GRID1: variants seen among roughly 807,000 people sequenced by gnomAD.
GRID1 encodes the protein glutamate receptor ionotropic, delta-1.
GRID1 carries 28 observed loss-of-function variants against 98.0 expected under a neutral mutation model. The ratio of observed to expected loss-of-function variants is 0.29; its 90% CI spans 0.21 to 0.39. The LOEUF (loss-of-function observed/expected upper bound fraction) is 0.39. Among genes scored for constraint, GRID1 ranks in the 10% least tolerant of loss-of-function variants. The pLI is 1.00. For missense variants in GRID1, 1,111 were observed against 1,340.5 expected, an observed-to-expected ratio of 0.83 and a Z score of 2.67; for synonymous variants, 553 against 538.5, an observed-to-expected ratio of 1.03 and a Z score of -0.37.
intron 8 of GRID1, among the ~76,000 whole-genome samples, chr10:85,779,885 T>A (rs1842366058): frequency 6.6e-6 from 1 of 152,160 alleles, no homozygotes; most frequent in Admixed American, 6.5e-5. Context: ...AGGGAAGCAG[T>A]CCTTTGCATT....
Position 86,195,699 on chromosome 10 carries a change from C to A in GRID1, c.520+10665G>T, listed in dbSNP as rs186576249. On this transcript the variant is annotated intron_variant, in intron 3 of 15. Transcript: ENST00000327946. The surrounding 1 kb of genome is among the most constrained non-coding windows in gnomAD (Gnocchi z 4.4). ...ATAACTTCCAGCAAGGAACTGGGTACGTGAAGGGCTGAGAGGAGACATAAT... is the reference window on the plus strand; with the variant it reads ...ATAACTTCCAGCAAGGAACTGGGTAAGTGAAGGGCTGAGAGGAGACATAAT... 3.3e-5 allele frequency among the ~76,000 whole-genome samples: 5 copies of A among 152,078 alleles called. No homozygotes were observed. The highest frequency in any genetic ancestry group is 2.6e-4 in the Admixed American group (4 of 15,270).
chr10:86,212,416 G>C (rs143983650), intron 2 of GRID1, among the ~76,000 whole-genome samples: 173 of 152,372 alleles, frequency 1.1e-3, no homozygotes, highest in Non-Finnish European at 1.6e-3. Context: ...TGAGGCAAGA[G>C]AGAGCCTCCA....
At chr10:85,737,196 A>C (rs11201760) in intron 8 of GRID1, among the ~76,000 whole-genome samples, 49,515 of 151,956 alleles carry the variant, frequency 0.33, 8,240 homozygotes, top group Middle Eastern at 0.37. Flanking sequence ...TGAAAGACAT[A>C]CTTTCTTAAA....
chr10:85,781,292 T>A (rs976160748), intron 8 of GRID1, among the ~76,000 whole-genome samples: 2 of 152,256 alleles, frequency 1.3e-5, no homozygotes, highest in Non-Finnish European at 2.9e-5. Context: ...CCTGGACTTC[T>A]GAGTCATAAT....
intron 8 of GRID1, among the ~76,000 whole-genome samples, chr10:85,797,719 G>A (rs919948628): frequency 1.3e-5 from 2 of 151,778 alleles, no homozygotes; most frequent in Non-Finnish European, 2.9e-5. Flanking sequence ...TCAGAGTGCT[G>A]GGATTACGGT....
chr10:85,766,090 GAGGAGAAACA>G (rs1842195308), intron 8 of GRID1, among the ~76,000 whole-genome samples: 2 of 152,238 alleles, frequency 1.3e-5, no homozygotes. Flanking sequence ...TGTGGTGGTA[GAGGAGAAACA>G]AGGTTTGAAA....
In GRID1 at chr10:86,083,268, C is replaced by T. The variant is rs188038134; in HGVS notation, c.726+55551G>A. ...TTTCTTAGAAGGGTACCAGGGCTCTCGTAGCGGTTGAGGACTGGCGGGGAG... is the reference window on the plus strand; with the variant it reads ...TTTCTTAGAAGGGTACCAGGGCTCTTGTAGCGGTTGAGGACTGGCGGGGAG... On this transcript the variant is annotated intron_variant, in intron 4 of 15. Transcript: ENST00000327946. 2.6e-5 allele frequency among the ~76,000 whole-genome samples: 4 copies of T among 152,326 alleles called. No homozygotes were observed. The East Asian group carries it at 5.8e-4, about 22-fold the overall frequency.
chr10:85,881,250 C>A (rs1352198705), intron 5 of GRID1, among the ~76,000 whole-genome samples: 6 of 152,158 alleles, frequency 3.9e-5, no homozygotes, highest in African/African-American at 1.4e-4. Context: ...CAATGACTTT[C>A]TTCACAGAAT....
intron 4 of GRID1, among the ~76,000 whole-genome samples, chr10:86,100,222 C>T (rs1240467376): frequency 1.3e-5 from 2 of 152,172 alleles, no homozygotes; most frequent in Admixed American, 1.3e-4. Context: ...ATAACTGAGC[C>T]TTGACTCTCC....
intron 3 of GRID1, among the ~76,000 whole-genome samples, chr10:86,194,825 G>A (rs993630880): frequency 6.6e-6 from 1 of 151,812 alleles, no homozygotes; most frequent in African/African-American, 2.4e-5. Flanking sequence ...GCTTATGAAG[G>A]CCTCCCCCAG....
intron 3 of GRID1, among the ~76,000 whole-genome samples, chr10:86,149,125 G>A (rs1407346997): frequency 1.3e-5 from 2 of 152,324 alleles, no homozygotes; most frequent in Non-Finnish European, 2.9e-5. Flanking sequence ...CAAGAAGGGA[G>A]GTGCCATCCT....
chr10:85,777,029 A>C (rs1842337868), intron 8 of GRID1, among the ~76,000 whole-genome samples: 1 of 152,232 alleles, frequency 6.6e-6, no homozygotes, highest in Admixed American at 6.5e-5. Context: ...AGCAAATTTG[A>C]CAATAAAATG....
At chr10:85,715,094 G>T (rs1208061297) in intron 12 of GRID1, among the ~76,000 whole-genome samples, 2 of 152,096 alleles carry the variant, frequency 1.3e-5, no homozygotes, top group Admixed American at 6.6e-5. Context: ...CACATTTACA[G>T]TCAATTGATC....
intron 8 of GRID1, among the ~76,000 whole-genome samples, chr10:85,845,813 C>A (rs533454087): frequency 6.6e-6 from 1 of 152,194 alleles, no homozygotes; most frequent in African/African-American, 2.4e-5. Context: ...AAACTACATA[C>A]AACAATAATG....
chr10:85,810,996 C>T (rs1842666335), intron 8 of GRID1, among the ~76,000 whole-genome samples: 1 of 152,158 alleles, frequency 6.6e-6, no homozygotes, highest in Non-Finnish European at 1.5e-5. Flanking sequence ...TGAACCAGCC[C>T]TCAAGTTGGC....
chr10:85,604,631 G>A (rs2132503255), intron 15 of GRID1, among the ~76,000 whole-genome samples: 1 of 152,296 alleles, frequency 6.6e-6, no homozygotes, highest in African/African-American at 2.4e-5. Context: ...TTCATGAAAT[G>A]TTTATGCTGA....
At chr10:86,353,386 G>A (rs1207234181) in intron 2 of GRID1, among the ~76,000 whole-genome samples, 3 of 152,256 alleles carry the variant, frequency 2.0e-5, no homozygotes, top group African/African-American at 7.2e-5. Flanking sequence ...GGCAGCATGG[G>A]TGTCTGCAAC....
chr10:86,249,618 C>A (rs772135986), intron 2 of GRID1, among the ~76,000 whole-genome samples: 19 of 152,164 alleles, frequency 1.2e-4, no homozygotes, highest in Non-Finnish European at 1.2e-4. Flanking sequence ...CCCCCACACC[C>A]TCCCCCACAA....
intron 10 of GRID1, among the ~76,000 whole-genome samples, chr10:85,726,252 G>C (rs1314805559): frequency 6.6e-6 from 1 of 150,682 alleles, no homozygotes; most frequent in Non-Finnish European, 1.5e-5. Context: ...TTTTTTAGTT[G>C]GGAAGGATAG....
Sources: allele counts gnomAD v4.1 joint callset (sites outside exome capture counted in the v4.1 genomes callset), GRCh38; gene constraint gnomAD v4.1.1; non-coding constraint Gnocchi (gnomAD v3.1); transcripts MANE v1.5; gene names NCBI Gene and HGNC (gene_info 2026-07-23, HGNC 2026-07-21).